Variants in WWOX observed in about 807,000 individuals in gnomAD.
WWOX encodes WW domain-containing oxidoreductase.
WWOX carries 69 observed loss-of-function variants against 46.2 expected under a neutral mutation model. That is an observed-to-expected ratio of 1.49 (90% CI 1.23 to 1.82). The LOEUF (loss-of-function observed/expected upper bound fraction) is 1.82. Among genes scored for constraint, WWOX ranks in the 40% most tolerant of loss-of-function variants. The pLI is 0.00. For synonymous variants in WWOX, 359 were observed against 202.6 expected (o/e 1.77, Z -6.56); for missense variants, 919 against 542.6 (o/e 1.69, Z -6.89).
intron 5 of WWOX, among the ~76,000 whole-genome samples, chr16:78,344,692 C>T (rs1313174504): frequency 1.6e-5 from 2 of 121,786 alleles, no homozygotes; most frequent in Non-Finnish European, 3.9e-5. Context: ...ACACATACTT[C>T]ATTTGAAGGG....
chr16:78,397,044 G>C (rs983336818), intron 6 of WWOX, among the ~76,000 whole-genome samples: 4 of 152,152 alleles, frequency 2.6e-5, no homozygotes, highest in African/African-American at 7.2e-5. Flanking sequence ...GGTTATGTTA[G>C]GTCTGGTCAA....
At chr16:79,211,377 CAA>C (rs1174284784) in intron 8 of WWOX, among the ~76,000 whole-genome samples, 4 of 152,148 alleles carry the variant, frequency 2.6e-5, no homozygotes, top group Non-Finnish European at 4.4e-5. Context: ...TATGAGGTGT[CAA>C]AAGTTACACC....
chr16:78,736,222 C>G (rs944853621), intron 8 of WWOX, among the ~76,000 whole-genome samples: 4 of 152,156 alleles, frequency 2.6e-5, no homozygotes, highest in African/African-American at 7.2e-5. Flanking sequence ...AATCACACCT[C>G]AAACTTGACC....
intron 8 of WWOX, among the ~76,000 whole-genome samples, chr16:78,912,210 A>G (rs2045129787): frequency 6.6e-6 from 1 of 152,072 alleles, no homozygotes; most frequent in African/African-American, 2.4e-5. Context: ...TAGGAACTGA[A>G]CAAAGCCCCA....
intron 5 of WWOX, among the ~76,000 whole-genome samples, chr16:78,217,936 T>A (rs542442505): frequency 6.6e-6 from 1 of 152,338 alleles, no homozygotes; most frequent in African/African-American, 2.4e-5. Flanking sequence ...ACTCATATGC[T>A]GGTTTCTTCC....
At chr16:78,158,331 T>C (rs1419157389) in intron 4 of WWOX, among the ~76,000 whole-genome samples, 1 of 152,154 alleles carries the variant, frequency 6.6e-6, no homozygotes, top group East Asian at 1.9e-4. Flanking sequence ...CCTTCTCTAG[T>C]AGAATTGACT....
chr16:78,420,884 T>TTTTTC (rs1386896758), intron 6 of WWOX, among the ~76,000 whole-genome samples: 1 of 152,122 alleles, frequency 6.6e-6, no homozygotes, highest in Non-Finnish European at 1.5e-5. Flanking sequence ...ATCCTGACTG[T>TTTTTC]ATATCTGGAA....
At chr16:78,494,508 TA>T (rs2084862478) in intron 8 of WWOX, among the ~76,000 whole-genome samples, 2 of 152,084 alleles carry the variant, frequency 1.3e-5, no homozygotes, top group South Asian at 4.1e-4. Flanking sequence ...CAAAAGGAAA[TA>T]AAAACGGCAA....
chr16:78,634,858 G>C (rs1457869492), intron 8 of WWOX, among the ~76,000 whole-genome samples: 1 of 151,728 alleles, frequency 6.6e-6, no homozygotes, highest in African/African-American at 2.4e-5. Context: ...GTGTGTGTGT[G>C]TGTGTGTGTG....
intron 8 of WWOX, among the ~76,000 whole-genome samples, chr16:78,640,881 G>C (rs1206030468): frequency 6.6e-6 from 1 of 150,638 alleles, no homozygotes; most frequent in African/African-American, 2.4e-5. Context: ...AGAGGTTGCA[G>C]TGAGCCGAGA....
chr16:78,298,791 CAAA>C (rs10607151), intron 5 of WWOX, among the ~76,000 whole-genome samples: 4,868 of 136,746 alleles, frequency 0.036, 207 homozygotes, highest in African/African-American at 0.1. Context: ...AACTCTGTCT[CAAA>C]AAAAAAAAAA....
intron 6 of WWOX, among the ~76,000 whole-genome samples, chr16:78,391,093 A>G (rs2151937268): frequency 1.3e-5 from 2 of 152,278 alleles, no homozygotes; most frequent in South Asian, 4.1e-4. Context: ...CTGGTGAGAA[A>G]AGCAGCATAT....
At chr16:79,003,578 C>G (rs147564706) in intron 8 of WWOX, among the ~76,000 whole-genome samples, 1 of 152,260 alleles carries the variant, frequency 6.6e-6, no homozygotes, top group Non-Finnish European at 1.5e-5. Flanking sequence ...TTAGTGGAAT[C>G]CAGTTGGCAG....
chr16:78,603,069 T>G (rs769709065), intron 8 of WWOX, among the ~76,000 whole-genome samples: 12 of 152,254 alleles, frequency 7.9e-5, no homozygotes, highest in Non-Finnish European at 1.3e-4. Flanking sequence ...GAGTACTAAC[T>G]GCAATCAGAT....
chr16:78,844,165 T>C (rs1555548587), intron 8 of WWOX, among the ~76,000 whole-genome samples: 1 of 152,164 alleles, frequency 6.6e-6, no homozygotes, highest in Non-Finnish European at 1.5e-5. Context: ...CAAGTAAAAC[T>C]GTAAGTGATT....
At chr16:78,844,986 G>C (rs921222713) in intron 8 of WWOX, among the ~76,000 whole-genome samples, 1 of 152,218 alleles carries the variant, frequency 6.6e-6, no homozygotes, top group Non-Finnish European at 1.5e-5. Context: ...TCCTTGGCCA[G>C]CCTGAAAGGC....
chr16:78,962,015 C>T (rs139015310), intron 8 of WWOX, among the ~76,000 whole-genome samples: 76 of 152,208 alleles, frequency 5.0e-4, no homozygotes, highest in Non-Finnish European at 9.6e-4. Context: ...GACCTCCTTC[C>T]AGGCTGCTCC....
intron 8 of WWOX, among the ~76,000 whole-genome samples, chr16:79,054,798 C>T (rs1567518152): frequency 6.6e-6 from 1 of 152,062 alleles, no homozygotes; most frequent in African/African-American, 2.4e-5. Context: ...CGCACTCCAG[C>T]CTGGATGAAA....
At chr16:79,147,918 T>A (rs1268726457) in intron 8 of WWOX, among the ~76,000 whole-genome samples, 1 of 152,238 alleles carries the variant, frequency 6.6e-6, no homozygotes, top group Non-Finnish European at 1.5e-5. Flanking sequence ...CATTTTCTAT[T>A]TGAATTGTTG....
Sources: gnomAD v4.1 joint callset for allele counts (sites outside exome capture counted in the v4.1 genomes callset) on GRCh38, gnomAD v4.1.1 for gene constraint, MANE v1.5 for transcripts, NCBI Gene and HGNC (gene_info 2026-07-23, HGNC 2026-07-21) for gene names.